The following TAB2 variants were observed in gnomAD, a reference collection of about 807,000 sequenced individuals.
TAB2 encodes TGF-beta-activated kinase 1 and MAP3K7-binding protein 2.
TAB2 carries 3 observed loss-of-function variants against 65.0 expected under a neutral mutation model. The ratio of observed to expected loss-of-function variants is 0.05; its 90% CI spans 0.02 to 0.12. The LOEUF (loss-of-function observed/expected upper bound fraction) is 0.12, where lower values mean the gene tolerates loss of function less well. Ranked by LOEUF, TAB2 falls within the 10% of genes least tolerant of loss-of-function variation. TAB2 has a pLI of 1.00. For missense variants in TAB2, 623 were observed against 840.3 expected (o/e 0.74, Z 3.20); for synonymous variants, 298 against 285.1 (o/e 1.05, Z -0.46).
intron 1 of TAB2, among the ~76,000 whole-genome samples, chr6:149,268,121 A>G (rs1011165960): frequency 6.6e-6 from 1 of 152,180 alleles, no homozygotes; most frequent in African/African-American, 2.4e-5. Context: ...TAGTGGCTTA[A>G]CCATGAAGGC....
At chr6:149,248,370 C>T (rs142444976) in intron 1 of TAB2, among the ~76,000 whole-genome samples, 19 of 141,710 alleles carry the variant, frequency 1.3e-4, no homozygotes, top group African/African-American at 4.8e-4. Context: ...CCCGCTTGAG[C>T]GACAGAGCGA....
intron 1 of TAB2, among the ~76,000 whole-genome samples, chr6:149,323,855 G>T (rs1466170337): frequency 6.6e-6 from 1 of 152,108 alleles, no homozygotes; most frequent in Non-Finnish European, 1.5e-5. Context: ...TATTTGATGT[G>T]CCACAGTACT....
At chr6:149,343,339 C>T (rs1780189522) in intron 1 of TAB2, among the ~76,000 whole-genome samples, 1 of 151,978 alleles carries the variant, frequency 6.6e-6, no homozygotes, top group Non-Finnish European at 1.5e-5. Flanking sequence ...GGCTTGGTGG[C>T]GTGCACCTGT....
At chr6:149,290,118 C>T (rs1045661010) in intron 1 of TAB2, among the ~76,000 whole-genome samples, 3 of 152,170 alleles carry the variant, frequency 2.0e-5, no homozygotes, top group African/African-American at 7.2e-5. Context: ...TTCTGTCAGT[C>T]TTAAGTTCTC....
chr6:149,364,577 G>C (rs10155766), intron 1 of TAB2, among the ~76,000 whole-genome samples: 35,454 of 151,246 alleles, frequency 0.23, 4,351 homozygotes, highest in Non-Finnish European at 0.26. Context: ...GTGATCTGCA[G>C]GGCAAGGACA....
intron 3 of TAB2, among the ~76,000 whole-genome samples, chr6:149,383,311 C>T (rs957827618): frequency 4.6e-5 from 7 of 152,110 alleles, no homozygotes; most frequent in African/African-American, 1.7e-4. Flanking sequence ...TAAATTAAAG[C>T]CTACCAAGAA....
At chr6:149,309,249 G>A (rs1779124613) in intron 1 of TAB2, among the ~76,000 whole-genome samples, 1 of 151,690 alleles carries the variant, frequency 6.6e-6, no homozygotes, top group South Asian at 2.1e-4. Flanking sequence ...GATACTTCAT[G>A]TGCAAAGCCT....
At chr6:149,334,988 A>T (rs1779891332) in intron 1 of TAB2, among the ~76,000 whole-genome samples, 1 of 152,142 alleles carries the variant, frequency 6.6e-6, no homozygotes, top group Non-Finnish European at 1.5e-5. Context: ...TTGTCAGGCT[A>T]TTAGTTTACT....
chr6:149,404,383 C>G (rs1583165633), intron 6 of TAB2, among the ~76,000 whole-genome samples: 1 of 152,224 alleles, frequency 6.6e-6, no homozygotes, highest in African/African-American at 2.4e-5. Flanking sequence ...TCTACAGATT[C>G]AATGTAATCC....
intron 1 of TAB2, among the ~76,000 whole-genome samples, chr6:149,325,150 A>C (rs1335321598): frequency 6.6e-6 from 1 of 152,134 alleles, no homozygotes; most frequent in Non-Finnish European, 1.5e-5. Flanking sequence ...GGGCTTTAAA[A>C]CCAGATGAGC....
chr6:149,258,455 T>G (rs3223473), intron 1 of TAB2, among the ~76,000 whole-genome samples: 1 of 127,844 alleles, frequency 7.8e-6, no homozygotes, highest in East Asian at 2.5e-4. Flanking sequence ...ACACACACAC[T>G]TCTCACATAA....
intron 1 of TAB2, among the ~76,000 whole-genome samples, chr6:149,232,791 A>C (rs1277722120): frequency 6.6e-6 from 1 of 152,168 alleles, no homozygotes; most frequent in Admixed American, 6.5e-5. Flanking sequence ...GAGGAAACTG[A>C]GGCTTGGAGA....
At chr6:149,368,679 G>GTGT (rs540900056) in intron 1 of TAB2, among the ~76,000 whole-genome samples, 22 of 149,094 alleles carry the variant, frequency 1.5e-4, no homozygotes, top group Non-Finnish European at 2.2e-4. Flanking sequence ...GTGTGTGTGT[G>GTGT]TTTACACAGA....
chr6:149,399,382 T>A (rs1004064088), intron 6 of TAB2, among the ~76,000 whole-genome samples, 198 bp downstream of exon 6: 3 of 152,166 alleles, frequency 2.0e-5, no homozygotes, highest in Non-Finnish European at 4.4e-5. Context: ...TATTCTTAGC[T>A]TTTTAAAAGT....
chr6:149,283,787 A>G (rs1778619431), intron 1 of TAB2, among the ~76,000 whole-genome samples: 1 of 152,168 alleles, frequency 6.6e-6, no homozygotes, highest in African/African-American at 2.4e-5. Flanking sequence ...TGGGAACAAT[A>G]TAGAGTTGAA....
intron 1 of TAB2, among the ~76,000 whole-genome samples, chr6:149,242,580 C>T (rs1400135915): frequency 6.6e-6 from 1 of 152,166 alleles, no homozygotes; most frequent in Non-Finnish European, 1.5e-5. Flanking sequence ...GGTTGAGCTT[C>T]CAAAAATGGA....
intron 1 of TAB2, among the ~76,000 whole-genome samples, chr6:149,225,251 T>C (rs12207651): frequency 0.058 from 8,899 of 152,210 alleles, 457 homozygotes; most frequent in South Asian, 0.14. Flanking sequence ...ACTTGAGAAG[T>C]TGCTTGTAGG....
intron 1 of TAB2, among the ~76,000 whole-genome samples, chr6:149,358,525 T>C (rs2114826354): frequency 6.6e-6 from 1 of 152,278 alleles, no homozygotes. Context: ...CCTTTGTAGA[T>C]TATGGCTCTT....
intron 1 of TAB2, among the ~76,000 whole-genome samples, chr6:149,332,255 C>T (rs1438522511): frequency 6.6e-6 from 1 of 152,062 alleles, no homozygotes; most frequent in Non-Finnish European, 1.5e-5. Flanking sequence ...GGAATTCAAG[C>T]AAGAGATTCA....
Sources: gnomAD v4.1 joint callset for allele counts (sites outside exome capture counted in the v4.1 genomes callset) on GRCh38, gnomAD v4.1.1 for gene constraint, MANE v1.5 for transcripts, NCBI Gene and HGNC (gene_info 2026-07-23, HGNC 2026-07-21) for gene names.